The following PMP22 variants were observed in gnomAD, a reference collection of about 807,000 sequenced individuals.
PMP22 encodes peripheral myelin protein 22.
PMP22 carries 2 observed loss-of-function variants against 18.9 expected under a neutral mutation model. The observed-to-expected ratio is 0.11, with a 90% CI of 0.04 to 0.33. The LOEUF is 0.33. PMP22 is among the 10% of genes least tolerant of loss of function. The pLI is 1.00. For synonymous variants in PMP22, 95 were observed against 89.2 expected (o/e 1.07, Z -0.37); for missense variants, 169 against 202.2 (o/e 0.84, Z 1.00).
chr17:15,243,635 T>C (rs941007679), intron 3 of PMP22, among the ~76,000 whole-genome samples: 1 of 149,876 alleles, frequency 6.7e-6, no homozygotes, highest in Non-Finnish European at 1.5e-5. Context: ...CAATTAATTG[T>C]AACTTTATAA....
intron 3 of PMP22, among the ~76,000 whole-genome samples, chr17:15,253,504 TCC>T (rs1908546305): frequency 6.6e-6 from 1 of 152,030 alleles, no homozygotes; most frequent in East Asian, 1.9e-4. Context: ...GGACTGTCAC[TCC>T]AACTTGGAAT....
chr17:15,242,251 CAA>C (rs59075019), intron 3 of PMP22, among the ~76,000 whole-genome samples: 2,098 of 54,540 alleles, frequency 0.038, 18 homozygotes, highest in African/African-American at 0.12. Context: ...GACTCTGTCT[CAA>C]AAAAAAAAAA....
Position 15,231,028 on chromosome 17 carries a change from C to A in PMP22, c.372G>T (p.Trp124Cys). ...CGTAGGAGTAATCCGAGTTGAGATG[C>A]CACTCCGGGTGCCTCACCGTGTAGA... ...AAIYTVRHPE[W>C]HLNSDYSYGF... Residue 124 changes from tryptophan (W) to cysteine (C), a missense_variant, in exon 5 of 5, where the codon TGG becomes TGT. Transcript: ENST00000312280. 1 of 1,614,130 alleles carries A rather than the reference C, an allele frequency of 6.2e-7. No homozygotes were observed. The highest frequency in any genetic ancestry group is 8.5e-7 in the Non-Finnish European group (1 of 1,180,026).
In PMP22 at chr17:15,230,746, A is replaced by C; in HGVS notation, c.*171T>G. ...GTTATAAATAGGTTTTATAAACCGG[A>C]GATATTATATACATCTTCAATCAAC... On this transcript the variant is annotated 3_prime_UTR_variant, in exon 5 of 5. Coordinates refer to ENST00000312280, the MANE Select transcript of PMP22 (RefSeq NM_000304.4). 1 of 652,092 alleles carries C rather than the reference A, an allele frequency of 1.5e-6. No homozygotes were observed. The highest frequency in any genetic ancestry group is 2.7e-5 in the East Asian group (1 of 37,540). The allele number at this position is 652,092 out of a possible 1,614,324, so 40.4% of individuals were successfully genotyped here.
At chr17:15,255,183 G>T (rs2150701695) in intron 3 of PMP22, among the ~76,000 whole-genome samples, 1 of 152,258 alleles carries the variant, frequency 6.6e-6, no homozygotes. Flanking sequence ...GAGTATGATT[G>T]GGTATGGGAG....
rs768598863 is a variant in PMP22 at position 15,259,203 on chromosome 17, A to G, written c.79-10T>C. The G allele has an allele frequency of 6.3e-7, 1 of 1,598,246 alleles. No homozygotes were observed. Among genetic ancestry groups the G allele is most frequent in the African/African-American group, 1.3e-5 (1 of 74,786 alleles). On this transcript the variant is annotated splice_polypyrimidine_tract_variant and intron_variant, in intron 2 of 4. Transcript: ENST00000312280. ...TGCCCACGATCCATTGCTAGAGAGA[A>G]TCAGATAGATATCCTGAGTCAGGGA... is the stretch of plus-strand genomic sequence containing the variant.
At chr17:15,257,591 G>A (rs187111426) in intron 3 of PMP22, among the ~76,000 whole-genome samples, 30 of 152,352 alleles carry the variant, frequency 2.0e-4, no homozygotes, top group Non-Finnish European at 3.5e-4. Context: ...GACCCTAAAG[G>A]GGGAGAAACC....
intron 1 of PMP22, 35 bp from the exon 2 acceptor site, chr17:15,260,796 A>C: frequency 2.2e-6 from 3 of 1,380,686 alleles, no homozygotes; most frequent in East Asian, 5.0e-5. Flanking sequence ...GGCCGAACGC[A>C]CTGGGCCGAG....
Position 15,239,983 on chromosome 17 carries a change from C to T in PMP22, c.179-372G>A, listed in dbSNP as rs550624604. Among the ~76,000 whole-genome samples, 34 of 151,936 alleles carry T rather than the reference C, an allele frequency of 2.2e-4. 1 individual carries two copies. In the South Asian group the frequency reaches 4.6e-3, roughly 20 times the overall value. On this transcript the variant is annotated intron_variant, in intron 3 of 4. Transcript: ENST00000312280. ...ATGTGTATATACACATATACAAATA[C>T]GTGACACACACATATATATAAAAAA... is the stretch of plus-strand genomic sequence containing the variant.
chr17:15,237,690 CTGGGTGACCT>C (rs1211323402), intron 4 of PMP22, among the ~76,000 whole-genome samples: 6 of 152,198 alleles, frequency 3.9e-5, no homozygotes, highest in Non-Finnish European at 8.8e-5. Context: ...CTGTCATGAG[CTGGGTGACCT>C]TGGTCATTCA....
At chr17:15,251,943 A>G (rs551696891) in intron 3 of PMP22, among the ~76,000 whole-genome samples, 1 of 152,254 alleles carries the variant, frequency 6.6e-6, no homozygotes, top group East Asian at 1.9e-4. Flanking sequence ...GGGTATTGGC[A>G]TCAGAGAAAC....
At chr17:15,248,629 C>T (rs1054883294) in intron 3 of PMP22, among the ~76,000 whole-genome samples, 1 of 151,822 alleles carries the variant, frequency 6.6e-6, no homozygotes, top group Non-Finnish European at 1.5e-5. Flanking sequence ...TTGGAAAACT[C>T]TAGAAACAGG....
chr17:15,250,399 C>A (rs1908231369), intron 3 of PMP22, among the ~76,000 whole-genome samples: 1 of 152,134 alleles, frequency 6.6e-6, no homozygotes, highest in Admixed American at 6.5e-5. Context: ...CTGTATTCAG[C>A]ACCACAACAT....
rs1470706041 is a variant in PMP22 at position 15,230,855 on chromosome 17, C to T, written c.*62G>A. The T allele has an allele frequency of 6.3e-7, 1 of 1,575,796 alleles. No individual in the cohort carries two copies. The highest frequency in any genetic ancestry group is 8.7e-7 in the Non-Finnish European group (1 of 1,147,696). On this transcript the variant is annotated 3_prime_UTR_variant, in exon 5 of 5. Transcript: ENST00000312280. ...TAGCTCTTTTTTCTTTGTCTGCTTT[C>T]TGTTTTCCCTTCCTCCCTTCCCTAT...
intron 4 of PMP22, 49 bp from the exon 5 acceptor site, chr17:15,231,129 C>A (rs747592407): frequency 6.3e-7 from 1 of 1,586,628 alleles, no homozygotes; most frequent in Non-Finnish European, 8.6e-7. Context: ...CATGGCAGAG[C>A]GGCCCCCTCT....
chr17:15,263,141 T>C (rs1279638464), intron 1 of PMP22, among the ~76,000 whole-genome samples: 1 of 152,212 alleles, frequency 6.6e-6, no homozygotes, highest in Non-Finnish European at 1.5e-5. Flanking sequence ...CGGGGATTGA[T>C]CTAGCGGGCT....
intron 4 of PMP22, 55 bp from the exon 5 acceptor site, chr17:15,231,135 C>T (rs1906308678): frequency 2.6e-6 from 4 of 1,558,876 alleles, no homozygotes; most frequent in Admixed American, 3.3e-5. Flanking sequence ...AGAGCGGCCC[C>T]CTCTCCGCCA....
At chr17:15,250,164 C>G (rs1250032851) in intron 3 of PMP22, among the ~76,000 whole-genome samples, 3 of 152,122 alleles carry the variant, frequency 2.0e-5, no homozygotes, top group Non-Finnish European at 4.4e-5. Context: ...GTAATCCGCC[C>G]GCCTCAGCCT....
intron 3 of PMP22, among the ~76,000 whole-genome samples, chr17:15,245,907 G>A (rs1907763713): frequency 6.6e-6 from 1 of 152,032 alleles, no homozygotes; most frequent in Non-Finnish European, 1.5e-5. Flanking sequence ...CAGCTACTCT[G>A]GAGGCTGAGG....
Sources: gnomAD v4.1 joint callset for allele counts (sites outside exome capture counted in the v4.1 genomes callset) on GRCh38, gnomAD v4.1.1 for gene constraint, MANE v1.5 for transcripts, NCBI Gene and HGNC (gene_info 2026-07-23, HGNC 2026-07-21) for gene names.